The following ABCB7 variants were observed in gnomAD, a reference collection of about 807,000 sequenced individuals.
ABCB7 encodes iron-sulfur clusters transporter ABCB7, mitochondrial.
In ABCB7, 7 loss-of-function variants were observed where a neutral mutation model predicts 54.4. The ratio of observed to expected loss-of-function variants is 0.13; its 90% CI spans 0.07 to 0.24. The LOEUF (loss-of-function observed/expected upper bound fraction) is 0.24, where lower values mean the gene tolerates loss of function less well. Among genes scored for constraint, ABCB7 ranks in the 10% least tolerant of loss-of-function variants. The pLI is 1.00. For synonymous variants in ABCB7, 218 were observed against 207.1 expected (o/e 1.05, Z -0.45); for missense variants, 356 against 570.4 (o/e 0.62, Z 3.83).
chrX:75,075,435 C>G lies in ABCB7; in HGVS notation c.782G>C (p.Ser261Thr). Residue 261 changes from serine (S) to threonine (T), a missense_variant, in exon 6 of 16, where the codon AGT (serine) becomes ACT (threonine). Physicochemically the swap from Ser to Thr is moderately conservative, Grantham distance 58 (BLOSUM62 1). Coordinates refer to ENST00000373394, the MANE Select transcript of ABCB7 (RefSeq NM_001271696.3). ...AAATACCAAAGCACTCAGGACAAAA[C>G]TGATACCCCTTGTTCCTCTGTCAAT... ...KAIDRGTRGISFVLSALVFNL... is the reference protein window; with the variant it reads ...KAIDRGTRGITFVLSALVFNL... 8.3e-7 allele frequency: 1 copy of G among 1,210,805 alleles called. No individual in the cohort carries two copies. The highest frequency in any genetic ancestry group is 1.1e-6 in the Non-Finnish European group (1 of 894,585).
intron 4 of ABCB7, chrX:75,097,560 T>C (rs1463394726): frequency 9.0e-6 from 1 of 111,636 alleles, no homozygotes; most frequent in Admixed American, 9.5e-5. Context: ...AGAACAGTAG[T>C]GTGTATAAGT....
chrX:75,123,895 G>A (rs1392228351), intron 1 of ABCB7, among the ~76,000 whole-genome samples: 1 of 112,037 alleles, frequency 8.9e-6, no homozygotes, highest in Non-Finnish European at 1.9e-5. Context: ...AACCATACAT[G>A]ATAAGCAAGT....
At chrX:75,085,984 C>G (rs1168091328) in intron 4 of ABCB7, among the ~76,000 whole-genome samples, 1 of 109,029 alleles carries the variant, frequency 9.2e-6, no homozygotes, top group Non-Finnish European at 1.9e-5. Context: ...GTAGCTAGGA[C>G]TACAGGCACG....
chrX:75,148,543 C>T (rs1440578429), intron 1 of ABCB7, among the ~76,000 whole-genome samples: 1 of 110,936 alleles, frequency 9.0e-6, no homozygotes, highest in African/African-American at 3.3e-5. Flanking sequence ...GAAGTCCTAA[C>T]CTCTAATACT....
intron 9 of ABCB7, 31 bp downstream of exon 9, chrX:75,071,478 C>G: frequency 2.5e-6 from 3 of 1,201,343 alleles, no homozygotes; most frequent in Non-Finnish European, 3.4e-6. Flanking sequence ...AGTTGAACAG[C>G]CTGTAAATGT....
In ABCB7 at chrX:75,094,681, C is replaced by T. The variant is rs150994321; in HGVS notation, c.453+4261G>A. On this transcript the variant is annotated intron_variant, in intron 4 of 15. Transcript: ENST00000373394. ...TGAGCAGAGATCATGCCACTGCACT[C>T]CAGCCTGGGCAACAAGAGTGAAACT... Among the ~76,000 whole-genome samples the T allele has an allele frequency of 5.3e-3, 591 of 111,150 alleles. 3 individuals carry two copies. The highest frequency in any genetic ancestry group is 9.4e-3 in the Middle Eastern group (2 of 213).
intron 4 of ABCB7, among the ~76,000 whole-genome samples, chrX:75,079,824 C>G (rs746142483): frequency 2.7e-5 from 3 of 111,627 alleles, no homozygotes; most frequent in Non-Finnish European, 5.6e-5. Flanking sequence ...TCCATCACCA[C>G]AAGAGAAATC....
At chrX:75,148,278 A>G in intron 1 of ABCB7, among the ~76,000 whole-genome samples, 1 of 111,472 alleles carries the variant, frequency 9.0e-6, no homozygotes, top group Middle Eastern at 4.6e-3. Context: ...AACATGAAAT[A>G]TTTTTCTCAT....
At chrX:75,123,508 G>A (rs567624645) in intron 1 of ABCB7, among the ~76,000 whole-genome samples, 1 of 111,431 alleles carries the variant, frequency 9.0e-6, no homozygotes, top group Non-Finnish European at 1.9e-5. Context: ...GGCTATTTGG[G>A]GTCGATTGTT....
At chrX:75,088,846 C>CAA (rs58687438) in intron 4 of ABCB7, among the ~76,000 whole-genome samples, 48 of 90,878 alleles carry the variant, frequency 5.3e-4, no homozygotes, top group African/African-American at 1.7e-3. Flanking sequence ...ACAAAAGAAA[C>CAA]AAAAAAAAAA....
chrX:75,091,355 T>C (rs1243954006), intron 4 of ABCB7, among the ~76,000 whole-genome samples: 1 of 110,452 alleles, frequency 9.1e-6, no homozygotes, highest in African/African-American at 3.3e-5. Flanking sequence ...AAAAATCAAA[T>C]GATGGCAGAT....
rs2081663659 is a variant in ABCB7 at position 75,104,047 on chromosome X, G to GTTTTTTTGTTTTTTTTTTTTTTTT, written c.334-4987_334-4986insAAAAAAAAAAAAAAAACAAAAAAA. ...AAATGGGCATCCCTGTCTTGTTACA[G>GTTTTTTTGTTTTTTTTTTTTTTTT]TTTTTTTTTTTTTTTTTTTTTTTTT... On this transcript the variant is annotated intron_variant, in intron 3 of 15. Coordinates refer to ENST00000373394, the MANE Select transcript of ABCB7 (RefSeq NM_001271696.3). Among the ~76,000 whole-genome samples the GTTTTTTTGTTTTTTTTTTTTTTTT allele has an allele frequency of 1.3e-3, 18 of 13,443 alleles. 1 individual carries two copies. The highest frequency in any genetic ancestry group is 1.6e-3 in the Non-Finnish European group (9 of 5,715). 11.7% of individuals were successfully genotyped at this position (13,443 alleles called of 115,157 possible).
intron 1 of ABCB7, among the ~76,000 whole-genome samples, chrX:75,117,768 G>T (rs1340877836): frequency 9.0e-6 from 1 of 111,600 alleles, no homozygotes; most frequent in Non-Finnish European, 1.9e-5. Flanking sequence ...TGGGACTGCT[G>T]GAAAAAATCC....
At chrX:75,064,893 G>A (rs1390886411) in intron 13 of ABCB7, among the ~76,000 whole-genome samples, 177 bp downstream of exon 13, 2 of 110,612 alleles carry the variant, frequency 1.8e-5, no homozygotes, top group African/African-American at 6.6e-5. Context: ...CTTGAGAATA[G>A]TTACTAATAT....
intron 1 of ABCB7, among the ~76,000 whole-genome samples, chrX:75,125,723 G>C (rs1239876805): frequency 4.5e-5 from 5 of 110,921 alleles, no homozygotes; most frequent in Non-Finnish European, 9.5e-5. Context: ...CTAAACAGAG[G>C]CATGATACAG....
intron 4 of ABCB7, among the ~76,000 whole-genome samples, chrX:75,084,771 A>G (rs1282589055): frequency 1.8e-5 from 2 of 112,144 alleles, no homozygotes; most frequent in Non-Finnish European, 3.8e-5. Flanking sequence ...AGAATTCACT[A>G]AAGTTGAGAG....
intron 4 of ABCB7, among the ~76,000 whole-genome samples, chrX:75,085,376 G>A (rs1490508766): frequency 8.9e-6 from 1 of 111,828 alleles, no homozygotes; most frequent in Non-Finnish European, 1.9e-5. Flanking sequence ...CATTTATATG[G>A]CATTCTCAAA....
intron 1 of ABCB7, among the ~76,000 whole-genome samples, chrX:75,130,755 G>A (rs1342056770): frequency 2.7e-5 from 3 of 111,128 alleles, no homozygotes; most frequent in Non-Finnish European, 5.7e-5. Context: ...AGCCTAGGAA[G>A]AAAGACCCTG....
chrX:75,094,019 C>CATATATATATATATATAT (rs199523853), intron 4 of ABCB7, among the ~76,000 whole-genome samples: 4 of 46,029 alleles, frequency 8.7e-5, no homozygotes, highest in African/African-American at 3.7e-4. Context: ...CTGTTATATA[C>CATATATATATATATATAT]ATATATATAT....
Sources: allele counts gnomAD v4.1 joint callset (sites outside exome capture counted in the v4.1 genomes callset), GRCh38; gene constraint gnomAD v4.1.1; transcripts MANE v1.5; gene names NCBI Gene and HGNC (gene_info 2026-07-23, HGNC 2026-07-21).